Variants in MOB3B observed in about 807,000 individuals in gnomAD.
The protein encoded by MOB3B is MOB kinase activator 3B.
A neutral mutation model predicts 18.7 loss-of-function variants in MOB3B; 7 were observed. The observed-to-expected ratio is 0.37, with a 90% CI of 0.21 to 0.70. The LOEUF (loss-of-function observed/expected upper bound fraction) is 0.70, where lower values mean the gene tolerates loss of function less well. MOB3B is among the 30% of genes least tolerant of loss of function. The pLI, the probability that MOB3B is intolerant of heterozygous loss-of-function variation, is 0.52. For synonymous variants in MOB3B, 111 were observed against 99.9 expected, an observed-to-expected ratio of 1.11 and a Z score of -0.66; for missense variants, 253 against 281.3, an observed-to-expected ratio of 0.90 and a Z score of 0.72.
At chr9:27,468,194 T>C (rs1000090202) in intron 1 of MOB3B, among the ~76,000 whole-genome samples, 2 of 152,146 alleles carry the variant, frequency 1.3e-5, no homozygotes, top group African/African-American at 4.8e-5. Context: ...ATAGGGTGCA[T>C]TTGTACCAGT....
intron 2 of MOB3B, among the ~76,000 whole-genome samples, chr9:27,392,254 T>C (rs921767409): frequency 5.9e-5 from 9 of 152,222 alleles, no homozygotes; most frequent in African/African-American, 1.7e-4. Context: ...CTTTATCATA[T>C]GTGGGAACAG....
intron 1 of MOB3B, among the ~76,000 whole-genome samples, chr9:27,492,708 T>A (rs986685740): frequency 6.6e-6 from 1 of 152,154 alleles, no homozygotes; most frequent in Admixed American, 6.5e-5. Flanking sequence ...CTATTTGGGT[T>A]TAATGTACTA....
chr9:27,420,523 A>G (rs1002288969), intron 2 of MOB3B, among the ~76,000 whole-genome samples: 1 of 128,522 alleles, frequency 7.8e-6, no homozygotes. Flanking sequence ...TCTATATTCC[A>G]TCTATATATT....
At chr9:27,479,618 T>C (rs545498557) in intron 1 of MOB3B, among the ~76,000 whole-genome samples, 1 of 152,272 alleles carries the variant, frequency 6.6e-6, no homozygotes, top group East Asian at 1.9e-4. Context: ...TTAGTATATT[T>C]ATAAACACCC....
chr9:27,408,006 A>C (rs1025074889), intron 2 of MOB3B, among the ~76,000 whole-genome samples: 4 of 152,104 alleles, frequency 2.6e-5, no homozygotes, highest in Admixed American at 2.6e-4. Flanking sequence ...AGGCCTTTCT[A>C]TCTCCAGAGA....
chr9:27,399,823 C>T (rs1821851479), intron 2 of MOB3B, among the ~76,000 whole-genome samples: 1 of 152,168 alleles, frequency 6.6e-6, no homozygotes, highest in South Asian at 2.1e-4. Context: ...ATCGTATCTT[C>T]CTACACGTGC....
intron 2 of MOB3B, among the ~76,000 whole-genome samples, chr9:27,449,089 T>C (rs543735082): frequency 5.9e-5 from 9 of 152,296 alleles, no homozygotes; most frequent in African/African-American, 2.2e-4. Flanking sequence ...CACTTCCTAG[T>C]AGATGTCTCT....
At chr9:27,336,449 A>C (rs1820864375) in intron 3 of MOB3B, among the ~76,000 whole-genome samples, 1 of 152,162 alleles carries the variant, frequency 6.6e-6, no homozygotes, top group Non-Finnish European at 1.5e-5. Context: ...TGAAACAAAA[A>C]ATAATCAAGG....
rs144053583 is a variant in MOB3B, at chr9:27,518,761, G to C, written c.-199+10794C>G. 1.7e-4 allele frequency among the ~76,000 whole-genome samples: 26 copies of C among 152,246 alleles called. No homozygotes were observed. The East Asian group carries it at 3.7e-3, about 21-fold the overall frequency. ...ATCATGTACAAAAAAGCAGCAAAAG[G>C]GGGTGGTGGAGAGGAATGGTCTTAG... On this transcript the variant is annotated intron_variant, in intron 1 of 3. Coordinates refer to ENST00000262244, the MANE Select transcript of MOB3B (RefSeq NM_024761.5).
chr9:27,419,060 C>CAAAA lies in MOB3B; in HGVS notation c.418+36069_418+36072dup, dbSNP rs567613310. Among the ~76,000 whole-genome samples the CAAAA allele has an allele frequency of 3.8e-3, 472 of 123,826 alleles. 2 individuals carry two copies. The highest frequency in any genetic ancestry group is 0.014 in the African/African-American group (451 of 31,658). The allele number at this position is 123,826 out of a possible 152,430, so 81.2% of individuals were successfully genotyped here. ...AACTCAACCCCTTTTACGATAGCTG[C>CAAAA]AAAAAAAAAAAAAAAAGACTTAGTA... is the stretch of plus-strand genomic sequence containing the variant. On this transcript the variant is annotated intron_variant, in intron 2 of 3. Transcript: ENST00000262244.
chr9:27,470,429 G>A (rs1262808939), intron 1 of MOB3B, among the ~76,000 whole-genome samples: 2 of 152,114 alleles, frequency 1.3e-5, no homozygotes, highest in Non-Finnish European at 2.9e-5. Flanking sequence ...GACTGCACTT[G>A]TCAGTGGCTA....
chr9:27,471,458 G>A (rs1262902488), intron 1 of MOB3B, among the ~76,000 whole-genome samples: 1 of 152,134 alleles, frequency 6.6e-6, no homozygotes, highest in Non-Finnish European at 1.5e-5. Flanking sequence ...TGTGGCTCTT[G>A]GTCACTGTGT....
chr9:27,443,883 A>G (rs1407518423), intron 2 of MOB3B, among the ~76,000 whole-genome samples: 3 of 152,194 alleles, frequency 2.0e-5, no homozygotes, highest in African/African-American at 7.2e-5. Context: ...TGGGCTGTCA[A>G]TAATTATCCT....
intron 1 of MOB3B, among the ~76,000 whole-genome samples, chr9:27,470,915 G>T (rs1280399140): frequency 1.3e-5 from 2 of 151,836 alleles, no homozygotes; most frequent in Non-Finnish European, 2.9e-5. Context: ...TTGTTTGTTT[G>T]TTTTTTTCTC....
chr9:27,369,842 C>T (rs1418417409), intron 2 of MOB3B, among the ~76,000 whole-genome samples: 1 of 152,122 alleles, frequency 6.6e-6, no homozygotes, highest in African/African-American at 2.4e-5. Flanking sequence ...TCTAGAACGT[C>T]CTCCCTGGCC....
chr9:27,457,100 G>C (rs960160904), intron 1 of MOB3B, among the ~76,000 whole-genome samples: 10 of 152,194 alleles, frequency 6.6e-5, no homozygotes, highest in African/African-American at 2.2e-4. Context: ...CTGTTAGATT[G>C]AAATCCAGTT....
rs576427829 is a variant in MOB3B, at chr9:27,415,031, T to G, written c.418+40102A>C. 1.6e-3 allele frequency among the ~76,000 whole-genome samples: 250 copies of G among 152,030 alleles called. 2 individuals carry two copies. The highest frequency in any genetic ancestry group is 5.8e-3 in the African/African-American group (242 of 41,418). On this transcript the variant is annotated intron_variant, in intron 2 of 3. Transcript: ENST00000262244. ...TGTGCACCACCATGCCTGGCTAATT[T>G]TTGTATTTTTAGTAGGGACGGGGTT...
intron 2 of MOB3B, among the ~76,000 whole-genome samples, chr9:27,411,451 C>T (rs867213084): frequency 6.6e-5 from 10 of 152,258 alleles, no homozygotes; most frequent in South Asian, 4.1e-4. Context: ...AGGCCATAGA[C>T]GGGTAAGAGA....
At chr9:27,467,698 G>C (rs1443147543) in intron 1 of MOB3B, among the ~76,000 whole-genome samples, 1 of 152,234 alleles carries the variant, frequency 6.6e-6, no homozygotes, top group Non-Finnish European at 1.5e-5. Context: ...TGCTCAGCTG[G>C]CTCAGCCTGA....
Sources: gnomAD v4.1 joint callset for allele counts (sites outside exome capture counted in the v4.1 genomes callset) on GRCh38, gnomAD v4.1.1 for gene constraint, MANE v1.5 for transcripts, NCBI Gene and HGNC (gene_info 2026-07-23, HGNC 2026-07-21) for gene names.